Variants in DHRSX observed in about 807,000 individuals in gnomAD.
DHRSX encodes polyprenol dehydrogenase.
DHRSX carries 31 observed loss-of-function variants against 34.0 expected under a neutral mutation model. That is an observed-to-expected ratio of 0.91 (90% CI 0.69 to 1.23). DHRSX has a LOEUF of 1.23. Among genes scored for constraint, DHRSX ranks in the 50% most tolerant of loss-of-function variants. The pLI is 0.00. For synonymous variants in DHRSX, 201 were observed against 183.8 expected (o/e 1.09, Z -0.76); for missense variants, 414 against 428.1 (o/e 0.97, Z 0.29).
chrX:2,240,889 A>T (rs942285089), intron 6 of DHRSX, among the ~76,000 whole-genome samples: 30 of 152,092 alleles, frequency 2.0e-4, no homozygotes, highest in Admixed American at 3.3e-4. Context: ...ACTTCAAAAG[A>T]CCTCAAGGAG....
chrX:2,230,051 G>T (rs1202736385), intron 6 of DHRSX, among the ~76,000 whole-genome samples: 2 of 152,198 alleles, frequency 1.3e-5, no homozygotes, highest in South Asian at 2.1e-4. Context: ...ATATACGCAT[G>T]TCTGTGTGCA....
chrX:2,275,757 C>G (rs1379444820), intron 4 of DHRSX, among the ~76,000 whole-genome samples: 2 of 151,262 alleles, frequency 1.3e-5, no homozygotes, highest in East Asian at 3.9e-4. Flanking sequence ...CCACTGCACT[C>G]CAGCCTGGGC....
chrX:2,300,146 T>C (rs1666222912), intron 3 of DHRSX, among the ~76,000 whole-genome samples: 1 of 152,212 alleles, frequency 6.6e-6, no homozygotes. Context: ...AATCCTTTTG[T>C]CTGAGGCTCT....
intron 1 of DHRSX, among the ~76,000 whole-genome samples, chrX:2,483,913 A>G (rs1359877045): frequency 2.3e-4 from 35 of 152,178 alleles, no homozygotes; most frequent in Non-Finnish European, 1.5e-5. Context: ...GGTTGGGGGA[A>G]AAAAAGAAGT....
At chrX:2,236,602 C>A (rs1171742063) in intron 6 of DHRSX, among the ~76,000 whole-genome samples, 1 of 151,840 alleles carries the variant, frequency 6.6e-6, no homozygotes, top group African/African-American at 2.4e-5. Context: ...TGGCTAATTT[C>A]TGTATTTTTA....
At chrX:2,333,374 G>A (rs1419518815) in intron 3 of DHRSX, among the ~76,000 whole-genome samples, 1 of 152,138 alleles carries the variant, frequency 6.6e-6, no homozygotes, top group Admixed American at 6.5e-5. Context: ...TGACATGGGA[G>A]TTTGGTGTAC....
intron 1 of DHRSX, among the ~76,000 whole-genome samples, chrX:2,440,862 C>A (rs2044053933): frequency 6.6e-6 from 1 of 152,186 alleles, no homozygotes; most frequent in South Asian, 2.1e-4. Flanking sequence ...AGTAAACTCC[C>A]CTTCATATAC....
chrX:2,291,432 G>A (rs908440302), intron 4 of DHRSX, 70 bp downstream of exon 4: 55 of 1,193,940 alleles, frequency 4.6e-5, no homozygotes, highest in East Asian at 4.7e-5. Context: ...CACTTCTCCC[G>A]CATGAAAGCT....
chrX:2,477,705 C>T (rs1180952198), intron 1 of DHRSX, among the ~76,000 whole-genome samples: 1 of 152,032 alleles, frequency 6.6e-6, no homozygotes, highest in Non-Finnish European at 1.5e-5. Flanking sequence ...ATTAGCCGAG[C>T]GTGGTGGCAC....
At chrX:2,303,607 A>G (rs2042040425) in intron 3 of DHRSX, among the ~76,000 whole-genome samples, 1 of 152,142 alleles carries the variant, frequency 6.6e-6, no homozygotes, top group Non-Finnish European at 1.5e-5. Context: ...TCTTTTCTTT[A>G]TAAATCATCC....
chrX:2,349,634 C>G (rs1471513913), intron 3 of DHRSX, among the ~76,000 whole-genome samples: 1 of 152,058 alleles, frequency 6.6e-6, no homozygotes, highest in Non-Finnish European at 1.5e-5. Context: ...TTGCAGTGAG[C>G]TGAGATCACG....
chrX:2,375,428 CT>C (rs2043129456), intron 3 of DHRSX, among the ~76,000 whole-genome samples: 1 of 138,350 alleles, frequency 7.2e-6, no homozygotes, highest in African/African-American at 2.5e-5. Context: ...CTTGTCATCA[CT>C]GTCTCCTCCC....
intron 2 of DHRSX, among the ~76,000 whole-genome samples, chrX:2,423,274 A>G (rs2043803809): frequency 2.0e-5 from 3 of 151,758 alleles, no homozygotes; most frequent in South Asian, 4.2e-4. Flanking sequence ...TTAGCAGGGC[A>G]TGGTGGCGGG....
intron 1 of DHRSX, among the ~76,000 whole-genome samples, chrX:2,452,043 A>G (rs1054482104): frequency 2.0e-5 from 3 of 151,882 alleles, no homozygotes; most frequent in Non-Finnish European, 4.4e-5. Context: ...GCCGCCATAT[A>G]CACACTGAAG....
intron 5 of DHRSX, among the ~76,000 whole-genome samples, chrX:2,264,813 T>C (rs2041422272): frequency 7.4e-6 from 1 of 135,620 alleles, no homozygotes; most frequent in Admixed American, 7.3e-5. Context: ...CAGAGCACAA[T>C]GCTCAGGAGA....
intron 1 of DHRSX, among the ~76,000 whole-genome samples, chrX:2,451,618 C>T (rs1469919775): frequency 6.6e-6 from 1 of 152,166 alleles, no homozygotes; most frequent in African/African-American, 2.4e-5. Flanking sequence ...TCTGAGACGG[C>T]CACGTGCAGA....
rs148455032 is a variant in DHRSX, at chrX:2,488,738, T to G, written c.109+12079A>C. On this transcript the variant is annotated intron_variant, in intron 1 of 6. Transcript: ENST00000334651. Reference sequence around the variant, plus strand: ...CAGGCCCCACTCCCCCTCGTCCTGGTCCTCGGGTTCCGCCTCTGCCCCACT... The same window carrying G: ...CAGGCCCCACTCCCCCTCGTCCTGGGCCTCGGGTTCCGCCTCTGCCCCACT... 1,759 of 1,613,908 alleles carry G rather than the reference T, an allele frequency of 1.1e-3. 11 individuals are homozygous for G. The highest frequency in any genetic ancestry group is 5.4e-4 in the Non-Finnish European group (639 of 1,179,876).
chrX:2,223,515 C>G (rs763911073), intron 6 of DHRSX, among the ~76,000 whole-genome samples: 1 of 152,240 alleles, frequency 6.6e-6, no homozygotes, highest in East Asian at 1.9e-4. Flanking sequence ...CATGGCTTGG[C>G]TCTTGCAGGG....
intron 3 of DHRSX, among the ~76,000 whole-genome samples, chrX:2,310,063 C>T (rs1352282198): frequency 2.6e-5 from 4 of 152,156 alleles, no homozygotes; most frequent in South Asian, 2.1e-4. Context: ...TGCCCCGTCC[C>T]TACGCATCCT....
Sources: gnomAD v4.1 joint callset for allele counts (sites outside exome capture counted in the v4.1 genomes callset) on GRCh38, gnomAD v4.1.1 for gene constraint, MANE v1.5 for transcripts, NCBI Gene and HGNC (gene_info 2026-07-23, HGNC 2026-07-21) for gene names.